The following SHOC1 variants were observed in gnomAD, a reference collection of about 807,000 sequenced individuals.
The protein encoded by SHOC1 is shortage in chiasmata 1, also known as protein shortage in chiasmata 1 ortholog.
A neutral mutation model predicts 179.2 loss-of-function variants in SHOC1; 136 were observed. The ratio of observed to expected loss-of-function variants is 0.76; its 90% CI spans 0.66 to 0.87. SHOC1 has a LOEUF of 0.87. SHOC1 is among the 40% of genes least tolerant of loss of function. The pLI is 0.00. For synonymous variants in SHOC1, 489 were observed against 586.6 expected (o/e 0.83, Z 2.41); for missense variants, 1,538 against 1,700.8 (o/e 0.90, Z 1.68).
chr9:111,757,256 CTAT>C (rs1834908306), intron 7 of SHOC1, among the ~76,000 whole-genome samples: 1 of 152,130 alleles, frequency 6.6e-6, no homozygotes. Flanking sequence ...GCGCCCACCA[CTAT>C]GCCTGGCTAA....
At chr9:111,694,905 G>A in intron 24 of SHOC1, among the ~76,000 whole-genome samples, 1 of 151,988 alleles carries the variant, frequency 6.6e-6, no homozygotes, top group Middle Eastern at 3.2e-3. Context: ...TCTAATATTG[G>A]CTTACTGATT....
intron 5 of SHOC1, among the ~76,000 whole-genome samples, chr9:111,769,091 C>T (rs1286317544): frequency 2.0e-5 from 3 of 152,080 alleles, no homozygotes; most frequent in Non-Finnish European, 4.4e-5. Flanking sequence ...TCCTTGCATC[C>T]CTAGGATGAA....
At chr9:111,707,412 T>C (rs1267253720) in intron 19 of SHOC1, among the ~76,000 whole-genome samples, 3 of 152,008 alleles carry the variant, frequency 2.0e-5, no homozygotes, top group Non-Finnish European at 4.4e-5. Context: ...ATAATTTCTA[T>C]GTAAAATGAG....
intron 10 of SHOC1, among the ~76,000 whole-genome samples, chr9:111,742,488 C>G (rs59509768): frequency 0.16 from 24,122 of 150,018 alleles, 2,506 homozygotes; most frequent in African/African-American, 0.29. Flanking sequence ...TAGGGGTACT[C>G]GGGGGGAGAA....
intron 11 of SHOC1, 26 bp downstream of exon 11, chr9:111,741,450 A>G: frequency 7.7e-7 from 1 of 1,299,074 alleles, no homozygotes; most frequent in Non-Finnish European, 1.1e-6. Context: ...CTTTCTATTT[A>G]TCACTTAAAG....
chr9:111,756,862 T>G (rs539545427), intron 7 of SHOC1, among the ~76,000 whole-genome samples: 94 of 152,300 alleles, frequency 6.2e-4, no homozygotes, highest in African/African-American at 2.2e-3. Context: ...AATAGATCTT[T>G]ACTGTGATCC....
intron 3 of SHOC1, among the ~76,000 whole-genome samples, chr9:111,782,821 C>T (rs384408): frequency 0.076 from 11,556 of 152,180 alleles, 632 homozygotes; most frequent in South Asian, 0.21. Context: ...GTGTCCATTC[C>T]ATTATCCACT....
At chr9:111,703,269 C>A (rs1416066264) in intron 22 of SHOC1, among the ~76,000 whole-genome samples, 1 of 152,072 alleles carries the variant, frequency 6.6e-6, no homozygotes, top group Non-Finnish European at 1.5e-5. Flanking sequence ...ACATATTGGC[C>A]ATTAATATAT....
At chr9:111,755,897 C>T (rs1244582079) in intron 8 of SHOC1, among the ~76,000 whole-genome samples, 1 of 152,022 alleles carries the variant, frequency 6.6e-6, no homozygotes, top group African/African-American at 2.4e-5. Context: ...CCGAGGCGGG[C>T]AGATCACCTG....
intron 3 of SHOC1, among the ~76,000 whole-genome samples, chr9:111,784,221 G>C (rs557415915): frequency 6.6e-6 from 1 of 152,258 alleles, no homozygotes; most frequent in Non-Finnish European, 1.5e-5. Flanking sequence ...TAATAATCTG[G>C]CCGAAGCACA....
At position 111,789,617 on chromosome 9, in the gene SHOC1, T is replaced by C. The variant is rs555501829; in HGVS notation, c.45+1757A>G. ...ACTTCATAATATCTTTACTTGTTAT[T>C]TGAGCGGTTCCTCAACACCATTTTC... On this transcript the variant is annotated intron_variant, in intron 2 of 27. Transcript: ENST00000682961. Among the ~76,000 whole-genome samples the C allele has an allele frequency of 2.0e-3, 304 of 152,344 alleles. 1 individual carries two copies. The highest frequency in any genetic ancestry group is 3.7e-3 in the Non-Finnish European group (249 of 68,028).
chr9:111,716,497 C>A (rs146659931), intron 16 of SHOC1, among the ~76,000 whole-genome samples: 1 of 144,222 alleles, frequency 6.9e-6, no homozygotes, highest in Non-Finnish European at 1.5e-5. Context: ...TTCAAGTGAT[C>A]CTTCTGCCTC....
chr9:111,748,861 GACACATTTTGCCTAT>G lies in SHOC1; in HGVS notation c.863-677_863-663del, dbSNP rs1303302638. On this transcript the variant is annotated intron_variant, in intron 8 of 27. Coordinates refer to ENST00000682961, the MANE Select transcript of SHOC1 (RefSeq NM_001378211.1). Reference sequence around the variant, plus strand: ...CTCCCTCCTTTGTTTCCAGCTGTCTGACACATTTTGCCTATCCCTTTTTTATCTTTTGGCTTTCTT... The same window carrying G: ...CTCCCTCCTTTGTTTCCAGCTGTCTGCCCTTTTTTATCTTTTGGCTTTCTT... Among the ~76,000 whole-genome samples, 9 of 121,580 alleles carry G rather than the reference GACACATTTTGCCTAT, an allele frequency of 7.4e-5. 1 individual carries two copies. The highest frequency in any genetic ancestry group is 2.9e-4 in the African/African-American group (9 of 31,242). The allele number at this position is 121,580 out of a possible 152,430, so 79.8% of individuals were successfully genotyped here.
intron 15 of SHOC1, among the ~76,000 whole-genome samples, chr9:111,719,899 G>T (rs148532264): frequency 6.6e-5 from 10 of 152,166 alleles, no homozygotes; most frequent in African/African-American, 2.4e-4. Context: ...GGACATCTAA[G>T]TTTAATGAAT....
intron 8 of SHOC1, among the ~76,000 whole-genome samples, chr9:111,753,215 A>G (rs922596908): frequency 1.3e-5 from 2 of 152,224 alleles, no homozygotes; most frequent in African/African-American, 2.4e-5. Flanking sequence ...GTTGCCTTCA[A>G]TGATGAATTC....
chr9:111,743,374 A>G (rs1834127392), intron 10 of SHOC1, among the ~76,000 whole-genome samples: 1 of 152,214 alleles, frequency 6.6e-6, no homozygotes. Context: ...TCCATAAACA[A>G]TTCATAAGTT....
At chr9:111,760,124 C>G (rs1178433168) in intron 5 of SHOC1, among the ~76,000 whole-genome samples, 1 of 152,208 alleles carries the variant, frequency 6.6e-6, no homozygotes, top group Non-Finnish European at 1.5e-5. Context: ...TGCTTCTAAA[C>G]AGATCCTCCA....
At chr9:111,699,868 C>T (rs1262633105) in intron 24 of SHOC1, 86 bp downstream of exon 24, 3 of 714,544 alleles carry the variant, frequency 4.2e-6, no homozygotes, top group Non-Finnish European at 4.7e-6. Context: ...ATTTGCTTAA[C>T]ACTTTTTTCT....
At chr9:111,711,396 A>G (rs926264625) in intron 18 of SHOC1, among the ~76,000 whole-genome samples, 1 of 152,156 alleles carries the variant, frequency 6.6e-6, no homozygotes, top group African/African-American at 2.4e-5. Context: ...AGTTCCTGCC[A>G]CTTGCAGGAG....
Sources: gnomAD v4.1 joint callset for allele counts (sites outside exome capture counted in the v4.1 genomes callset) on GRCh38, gnomAD v4.1.1 for gene constraint, MANE v1.5 for transcripts, NCBI Gene and HGNC (gene_info 2026-07-23, HGNC 2026-07-21) for gene names.